Variants in C21orf58 observed in about 807,000 individuals in gnomAD.
C21orf58 encodes the protein chromosome 21 open reading frame 58.
Under a neutral mutation model 35.8 loss-of-function variants are expected in C21orf58, and 34 were observed. The observed-to-expected ratio is 0.95, with a 90% CI of 0.72 to 1.26. The LOEUF (loss-of-function observed/expected upper bound fraction) is 1.26, where lower values mean the gene tolerates loss of function less well. C21orf58 is among the 50% of genes most tolerant of loss of function. C21orf58 has a pLI of 0.00. For synonymous variants in C21orf58, 191 were observed against 175.8 expected, an observed-to-expected ratio of 1.09 and a Z score of -0.68; for missense variants, 440 against 414.3, an observed-to-expected ratio of 1.06 and a Z score of -0.54.
chr21:46,321,877 T>C (rs1259688089), intron 1 of C21orf58, among the ~76,000 whole-genome samples: 1 of 149,966 alleles, frequency 6.7e-6, no homozygotes, highest in South Asian at 2.1e-4. Context: ...TGAGGGTGAG[T>C]ATCTACAAAA....
At chr21:46,311,595 T>C in intron 5 of C21orf58, 28 bp from the exon 6 acceptor site, 1 of 1,404,398 alleles carries the variant, frequency 7.1e-7, no homozygotes, top group South Asian at 1.2e-5. Flanking sequence ...ATTAGCTATC[T>C]GCATATGTCC....
rs1355484406 is a variant in C21orf58, at chr21:46,301,991, A to T, written c.*8T>A. On this transcript the variant is annotated 3_prime_UTR_variant, in exon 8 of 8. Coordinates refer to ENST00000291691, the MANE Select transcript of C21orf58 (RefSeq NM_058180.5). ...GGGTGCCCCGGCCAGGGTCTCTGTG[A>T]CTCACACTCAGGGTGGGCCAGGCGT... The T allele has an allele frequency of 6.6e-7, 1 of 1,520,182 alleles. No individual in the cohort carries two copies. The highest frequency in any genetic ancestry group is 8.8e-7 in the Non-Finnish European group (1 of 1,134,332). 94.2% of individuals were successfully genotyped at this position (1,520,182 alleles called of 1,614,324 possible).
chr21:46,302,978 CG>C (rs1291378089), intron 6 of C21orf58, among the ~76,000 whole-genome samples: 1 of 151,378 alleles, frequency 6.6e-6, no homozygotes, highest in African/African-American at 2.4e-5. Flanking sequence ...TGCGGGTCCC[CG>C]GGGCGCGCCC....
At position 46,322,758 on chromosome 21, in the gene C21orf58, C is replaced by T. The variant is rs769757190; in HGVS notation, c.-20G>A. On this transcript the variant is annotated 5_prime_UTR_variant, in exon 1 of 8. Coordinates refer to ENST00000291691, the MANE Select transcript of C21orf58 (RefSeq NM_058180.5). ...CGCCATTGCGCTATAGCCTGGGCGTCGCAGCGAGACTGTCTCAAAAAAAGA... is the reference window on the plus strand; with the variant it reads ...CGCCATTGCGCTATAGCCTGGGCGTTGCAGCGAGACTGTCTCAAAAAAAGA... The T allele has an allele frequency of 5.6e-6, 8 of 1,425,296 alleles. No homozygotes were observed. The African/African-American group carries it at 1.2e-4, about 21-fold the overall frequency. 88.3% of individuals were successfully genotyped at this position (1,425,296 alleles called of 1,614,324 possible). A position where few individuals can be genotyped will look rare whatever the true frequency, so the allele number is the denominator to read the frequency against.
In C21orf58 at chr21:46,320,441, G is replaced by A. The variant is rs570538287; in HGVS notation, c.100+2198C>T. ...AATTATAAGATAGGGCCAGGCAGGC[G>A]GAAGTTGCAGTGAGCCAAGGTGGCA... On this transcript the variant is annotated intron_variant, in intron 1 of 7. Transcript: ENST00000291691. Among the ~76,000 whole-genome samples the A allele has an allele frequency of 6.0e-5, 9 of 149,246 alleles. No homozygotes were observed. The East Asian group carries it at 7.9e-4, about 13-fold the overall frequency.
intron 4 of C21orf58, 58 bp from the exon 5 acceptor site, chr21:46,314,938 G>A (rs1417076240): frequency 6.5e-7 from 1 of 1,550,344 alleles, no homozygotes; most frequent in Admixed American, 2.0e-5. Context: ...ACGCCACAGA[G>A]GCACCCCCAG....
At chr21:46,300,937 G>A, downstream of C21orf58, 2 of 803,492 alleles carry the variant, frequency 2.5e-6, no homozygotes, top group Non-Finnish European at 3.4e-6. Context: ...CTGTCCACAT[G>A]GTAAGAAACC....
chr21:46,301,687 G>A lies in C21orf58; in HGVS notation c.*312C>T. ...CCTCCGTGATGGAAGAGGGGGATCTGAGGCTCCCAGGTGGGCCGGCGCCGC... is the reference window on the plus strand; with the variant it reads ...CCTCCGTGATGGAAGAGGGGGATCTAAGGCTCCCAGGTGGGCCGGCGCCGC... On this transcript the variant is annotated 3_prime_UTR_variant, in exon 8 of 8. Coordinates refer to ENST00000291691, the MANE Select transcript of C21orf58 (RefSeq NM_058180.5). 1 of 1,151,238 alleles carries A rather than the reference G, an allele frequency of 8.7e-7. No individual in the cohort carries two copies. The highest frequency in any genetic ancestry group is 1.1e-6 in the Non-Finnish European group (1 of 936,382). 71.3% of individuals were successfully genotyped at this position (1,151,238 alleles called of 1,614,324 possible). A position where few individuals can be genotyped will look rare whatever the true frequency, so the allele number is the denominator to read the frequency against.
At chr21:46,315,426 C>G in intron 4 of C21orf58, 48 bp downstream of exon 4, 1 of 1,183,112 alleles carries the variant, frequency 8.5e-7, no homozygotes, top group Non-Finnish European at 1.3e-6. Flanking sequence ...GCAGCTATCT[C>G]TGCTACAGTG....
rs113742664 is a variant in C21orf58 at position 46,308,578 on chromosome 21, G to C, written c.721+2878C>G. Among the ~76,000 whole-genome samples, 308 of 152,318 alleles carry C rather than the reference G, an allele frequency of 2.0e-3. 2 individuals are homozygous for C. The highest frequency in any genetic ancestry group is 0.013 in the South Asian group (61 of 4,826). On this transcript the variant is annotated intron_variant, in intron 6 of 7. Transcript: ENST00000291691. ...AGGCAGGAATGTCCACGACAGCTTTGTTGGCCATAAGCGAAAACAAGAAGC... is the reference window on the plus strand; with the variant it reads ...AGGCAGGAATGTCCACGACAGCTTTCTTGGCCATAAGCGAAAACAAGAAGC...
intron 6 of C21orf58, 93 bp downstream of exon 6, chr21:46,311,363 C>A: frequency 3.5e-6 from 2 of 566,886 alleles, no homozygotes; most frequent in South Asian, 3.9e-5. Flanking sequence ...CAGCCAAAAG[C>A]TGGCCCTAAG....
downstream of C21orf58, chr21:46,300,870 A>T (rs1377618101): frequency 9.1e-7 from 1 of 1,096,588 alleles, no homozygotes; most frequent in Non-Finnish European, 1.2e-6. Flanking sequence ...AAAGAAACAT[A>T]ATTGCACCCA....
downstream of C21orf58, among the ~76,000 whole-genome samples, chr21:46,300,974 A>AGG (rs1287818651): frequency 1.3e-5 from 2 of 152,098 alleles, no homozygotes. Flanking sequence ...AACTGAACTG[A>AGG]GGGGAGTGAG....
Position 46,303,709 on chromosome 21 carries a change from A to T in C21orf58, c.722-1133T>A, listed in dbSNP as rs1031505245. On this transcript the variant is annotated intron_variant, in intron 6 of 7. Coordinates refer to ENST00000291691, the MANE Select transcript of C21orf58 (RefSeq NM_058180.5). ...ACACACACACACACACACACACAAAATATATATATATATATATATATATAT... is the reference window on the plus strand; with the variant it reads ...ACACACACACACACACACACACAAATTATATATATATATATATATATATAT... 5.9e-5 allele frequency among the ~76,000 whole-genome samples: 2 copies of T among 33,684 alleles called. 1 individual carries two copies. The highest frequency in any genetic ancestry group is 9.3e-4 in the Admixed American group (2 of 2,152). The allele number at this position is 33,684 out of a possible 152,430, so 22.1% of individuals were successfully genotyped here. A position where few individuals can be genotyped will look rare whatever the true frequency, so the allele number is the denominator to read the frequency against.
Position 46,322,718 on chromosome 21 carries a change from AG to A in C21orf58, c.20del (p.Pro7LeufsTer87), listed in dbSNP as rs776758253. On this transcript the variant is annotated frameshift_variant, in exon 1 of 8. Transcript: ENST00000291691. LOFTEE classifies it high-confidence loss of function. The stretch of plus-strand genomic sequence containing the variant: ...TCCACGGCTTCCTGAGGGAGGTTGC[AG>A]GGAGCCGAGATCGCGCCATTGCGCT... MARSRL[P>X]ATSLRKPWKL... 23 of 1,553,358 alleles carry A rather than the reference AG, an allele frequency of 1.5e-5. No individual in the cohort carries two copies. The African/African-American group carries it at 3.0e-4, about 20-fold the overall frequency.
chr21:46,308,044 A>ACACAAATCT (rs2082501149), intron 6 of C21orf58, among the ~76,000 whole-genome samples: 1 of 151,852 alleles, frequency 6.6e-6, no homozygotes, highest in Admixed American at 6.6e-5. Context: ...CCCAGGCTGG[A>ACACAAATCT]GTACAAAGGC....
In C21orf58 at chr21:46,301,223, C is replaced by G. The variant is rs2082096378; in HGVS notation, c.*776G>C. 2.7e-6 allele frequency: 1 copy of G among 365,904 alleles called. No homozygotes were observed. Among genetic ancestry groups the G allele is most frequent in the Non-Finnish European group, 3.8e-6 (1 of 263,624 alleles). 22.7% of individuals were successfully genotyped at this position (365,904 alleles called of 1,614,324 possible). A position where few individuals can be genotyped will look rare whatever the true frequency, so the allele number is the denominator to read the frequency against. ...GTGGTTCCATCAGAGCTCACTGCAG[C>G]TTCTAACTCCTGGGCTCAAGCAATC... On this transcript the variant is annotated 3_prime_UTR_variant, in exon 8 of 8. Transcript: ENST00000291691.
intron 2 of C21orf58, 130 bp downstream of exon 2, chr21:46,317,882 C>T (rs534180025): frequency 7.6e-5 from 77 of 1,009,440 alleles, no homozygotes; most frequent in South Asian, 3.3e-4. Flanking sequence ...GATGGGTCCG[C>T]TGGGCTGCCA....
Position 46,301,789 on chromosome 21 carries a change from G to C in C21orf58, c.*210C>G. ...ACAGGCCCCTCACTGCAGGGGACCCGGAGCAAGGGATGCCCCCTGGAATGG... is the reference window on the plus strand; with the variant it reads ...ACAGGCCCCTCACTGCAGGGGACCCCGAGCAAGGGATGCCCCCTGGAATGG... On this transcript the variant is annotated 3_prime_UTR_variant, in exon 8 of 8. Transcript: ENST00000291691. 8.1e-7 allele frequency: 1 copy of C among 1,239,420 alleles called. No individual in the cohort carries two copies. Among genetic ancestry groups the C allele is most frequent in the East Asian group, 3.2e-5 (1 of 31,468 alleles). 76.8% of individuals were successfully genotyped at this position (1,239,420 alleles called of 1,614,324 possible). A position where few individuals can be genotyped will look rare whatever the true frequency, so the allele number is the denominator to read the frequency against.
Sources: allele counts gnomAD v4.1 joint callset (sites outside exome capture counted in the v4.1 genomes callset), GRCh38; gene constraint gnomAD v4.1.1; transcripts MANE v1.5; gene names NCBI Gene and HGNC (gene_info 2026-07-23, HGNC 2026-07-21).